ZNF44: variants seen among roughly 807,000 people sequenced by gnomAD.
ZNF44 encodes zinc finger protein 44.
Under a neutral mutation model 11.7 loss-of-function variants are expected in ZNF44, and 9 were observed. The ratio of observed to expected loss-of-function variants is 0.77; its 90% CI spans 0.46 to 1.35. The LOEUF is 1.35. Among genes scored for constraint, ZNF44 ranks in the 40% most tolerant of loss-of-function variants. The pLI, the probability that ZNF44 is intolerant of heterozygous loss-of-function variation, is 0.00. For synonymous variants in ZNF44, 224 were observed against 242.7 expected (o/e 0.92, Z 0.72); for missense variants, 696 against 743.1 (o/e 0.94, Z 0.74).
At chr19:12,257,924 T>C (rs553654473) in intron 5 of ZNF44, among the ~76,000 whole-genome samples, 20 of 151,760 alleles carry the variant, frequency 1.3e-4, no homozygotes, top group African/African-American at 4.4e-4. Context: ...TGAGCCAAGA[T>C]TGCGCCACTG....
At position 12,273,483 on chromosome 19, in the gene ZNF44, A is replaced by G. The variant is rs781461505; in HGVS notation, c.772T>C (p.Cys258Arg). Residue 258 changes from cysteine (C) to arginine (R), a missense_variant, in exon 4 of 4, where the codon TGT becomes CGT. By Grantham distance (180) the Cys-to-Arg change is radical. Transcript: ENST00000355684. Reference protein sequence around the residue: ...TGEKPYECKQCSKAFPDYSSY... With the variant: ...TGEKPYECKQRSKAFPDYSSY... ...CTGTAATCAGGGAAGGCTTTAGAAC[A>G]CTGCTTACATTCATACGGTTTCTCC... 4.3e-6 allele frequency: 7 copies of G among 1,614,072 alleles called. No individual in the cohort carries two copies. The South Asian group carries it at 7.7e-5, about 18-fold the overall frequency.
chr19:12,239,933 C>G (rs1182278877), upstream of ZNF44, among the ~76,000 whole-genome samples: 1 of 151,946 alleles, frequency 6.6e-6, no homozygotes, highest in Non-Finnish European at 1.5e-5. Flanking sequence ...TGAAACAATT[C>G]CATTTACAAA....
intron 2 of ZNF44, among the ~76,000 whole-genome samples, chr19:12,232,608 C>A (rs1916212596): frequency 6.6e-6 from 1 of 152,172 alleles, no homozygotes; most frequent in African/African-American, 2.4e-5. Flanking sequence ...CCCCTTAATC[C>A]ATTTAACCCT....
Position 12,265,454 on chromosome 19 carries a change from T to C in ZNF44, c.1912+7033A>G, listed in dbSNP as rs145841719. Among the ~76,000 whole-genome samples the C allele has an allele frequency of 3.9e-4, 60 of 152,330 alleles. 2 individuals are homozygous for C. The East Asian group carries it at 0.011, about 27-fold the overall frequency. On this transcript the variant is annotated intron_variant and NMD_transcript_variant, in intron 5 of 7. Transcript: ENST00000393337. ...TCCAGAAATTCACCTTTCTTGGCCT[T>C]TTTGGAAATATTTTGTACCATCCTT... is the stretch of plus-strand genomic sequence containing the variant.
At chr19:12,250,021 A>C (rs1250816948) in exon 7 of ZNF44, 2 of 1,284,390 alleles carry the variant, frequency 1.6e-6, no homozygotes, top group Non-Finnish European at 2.0e-6. Flanking sequence ...TCAATGTTCC[A>C]TTCTTTTTGT....
chr19:12,272,938 A>G lies in ZNF44; in HGVS notation c.1317T>C (p.His439=). Residue 439 remains histidine, a synonymous_variant, in exon 4 of 4, where the codon CAT becomes CAC. Transcript: ENST00000355684. ...AFRTSSSLRK[H]ETTHTGEQPY... The stretch of plus-strand genomic sequence containing the variant: ...GTTGCTCTCCAGTGTGTGTTGTTTC[A>G]TGTTTTCGAAGGGAACTGGAAGTAC... The G allele has an allele frequency of 1.2e-6, 2 of 1,613,950 alleles. No individual in the cohort carries two copies. The highest frequency in any genetic ancestry group is 1.7e-6 in the Non-Finnish European group (2 of 1,180,004).
At chr19:12,251,198 G>A (rs1328923939) in intron 5 of ZNF44, among the ~76,000 whole-genome samples, 1 of 152,084 alleles carries the variant, frequency 6.6e-6, no homozygotes, top group Non-Finnish European at 1.5e-5. Flanking sequence ...GGGTGTGGTG[G>A]TGCATGCCTA....
Position 12,294,685 on chromosome 19 carries a change from C to T in ZNF44, c.3+7G>A. The T allele has an allele frequency of 6.4e-7, 1 of 1,562,218 alleles. No homozygotes were observed. The highest frequency in any genetic ancestry group is 2.4e-5 in the East Asian group (1 of 41,224). On this transcript the variant is annotated splice_region_variant and intron_variant, in intron 1 of 3. Coordinates refer to ENST00000355684, the MANE Select transcript of ZNF44 (RefSeq NM_016264.4). ...CTGCCTCAGGACGCCGGGCCCCGCA[C>T]ACTCACCATTTCCCGGCTGTGCGGT...
rs770560577 is a variant in ZNF44, at chr19:12,284,492, C to T, written c.4-8410G>A. The T allele has an allele frequency of 5.2e-5, 35 of 666,718 alleles. 1 individual carries two copies. Among genetic ancestry groups the T allele is most frequent in the South Asian group, 4.0e-4 (28 of 69,386 alleles). The allele number at this position is 666,718 out of a possible 1,614,324, so 41.3% of individuals were successfully genotyped here. A position where few individuals can be genotyped will look rare whatever the true frequency, so the allele number is the denominator to read the frequency against. ...AGGCCGAGGATAAGAAGTGGATGCC[C>T]GTTACCAAGCTGGGCTGCCTGGTCA... On this transcript the variant is annotated intron_variant, in intron 1 of 3. Transcript: ENST00000355684.
intron 1 of ZNF44, among the ~76,000 whole-genome samples, chr19:12,287,575 C>T (rs1374486204): frequency 6.6e-6 from 1 of 152,164 alleles, no homozygotes; most frequent in African/African-American, 2.4e-5. Context: ...CTTTCTGTGT[C>T]TGAGTTGTTT....
At chr19:12,241,615 A>G (rs562651379), upstream of ZNF44, among the ~76,000 whole-genome samples, 2 of 152,292 alleles carry the variant, frequency 1.3e-5, no homozygotes, top group South Asian at 4.1e-4. Flanking sequence ...GAAACACTTG[A>G]ACCTGGGAGG....
rs140940065 is a variant in ZNF44 at position 12,255,091 on chromosome 19, A to AACACAC, written c.1913-4729_1913-4724dup. On this transcript the variant is annotated intron_variant and NMD_transcript_variant, in intron 5 of 7. Coordinates refer to the ZNF44 transcript ENST00000393337. The stretch of plus-strand genomic sequence containing the variant: ...GTGACAGAGTGAGACTCCGTCTCAA[A>AACACAC]ACACACACACACACACACACACACA... Among the ~76,000 whole-genome samples, 842 of 145,720 alleles carry AACACAC rather than the reference A, an allele frequency of 5.8e-3. 6 individuals carry two copies. The highest frequency in any genetic ancestry group is 0.018 in the African/African-American group (707 of 38,966).
chr19:12,291,162 T>C (rs1481968903), intron 1 of ZNF44: 1 of 419,230 alleles, frequency 2.4e-6, no homozygotes, highest in Non-Finnish European at 4.6e-6. Context: ...TCTTTAGCTA[T>C]TGCAAAGTCC....
At chr19:12,293,215 C>T (rs1379090997) in intron 1 of ZNF44, 2 of 1,534,360 alleles carry the variant, frequency 1.3e-6, no homozygotes, top group East Asian at 2.4e-5. Context: ...AGATTCCTCC[C>T]ACCCCAGTGC....
chr19:12,248,056 C>T, exon 8 of ZNF44: 2 of 1,333,930 alleles, frequency 1.5e-6, no homozygotes, highest in Non-Finnish European at 2.0e-6. Context: ...TGAGTTCTTT[C>T]ATGTGCTTGA....
In ZNF44 at chr19:12,272,478, A is replaced by C; in HGVS notation, c.1777T>G (p.Cys593Gly). 1 of 1,603,838 alleles carries C rather than the reference A, an allele frequency of 6.2e-7. No individual in the cohort carries two copies. Reference protein sequence around the residue: ...TGEKPYECKECGKAFSSLSSF... With the variant: ...TGEKPYECKEGGKAFSSLSSF... ...CTGAGAGAACTGAAGGCTTTCCCAC[A>C]TTCCTTACATTCATAGGGCTTCTCT... Residue 593 changes from cysteine to glycine, a missense_variant, in exon 4 of 4, where the codon TGT (cysteine) becomes GGT (glycine). Physicochemically the swap from Cys to Gly is radical, Grantham distance 159 (BLOSUM62 -3). Coordinates refer to ENST00000355684, the MANE Select transcript of ZNF44 (RefSeq NM_016264.4).
chr19:12,286,102 A>T (rs1967735361), intron 1 of ZNF44, among the ~76,000 whole-genome samples: 1 of 152,180 alleles, frequency 6.6e-6, no homozygotes, highest in Admixed American at 6.5e-5. Flanking sequence ...AGATTTTAGC[A>T]TGTGTCAAAC....
At chr19:12,235,645 C>T (rs1035444577) in intron 1 of ZNF44, among the ~76,000 whole-genome samples, 1 of 152,036 alleles carries the variant, frequency 6.6e-6, no homozygotes, top group Non-Finnish European at 1.5e-5. Flanking sequence ...TACAGGTGTA[C>T]AAGGCTGATT....
intron 1 of ZNF44, among the ~76,000 whole-genome samples, chr19:12,290,033 CCATCT>C (rs1247193992): frequency 2.6e-5 from 4 of 152,178 alleles, no homozygotes; most frequent in Non-Finnish European, 5.9e-5. Flanking sequence ...TGGCATCACC[CCATCT>C]GCCTCTGCCT....
Sources: allele counts gnomAD v4.1 joint callset (sites outside exome capture counted in the v4.1 genomes callset), GRCh38; gene constraint gnomAD v4.1.1; transcripts MANE v1.5; gene names NCBI Gene and HGNC (gene_info 2026-07-23, HGNC 2026-07-21).